Variants in DLC1 observed in about 807,000 individuals in gnomAD.
DLC1 encodes DLC1 Rho GTPase activating protein.
Under a neutral mutation model 140.3 loss-of-function variants are expected in DLC1, and 54 were observed. That is an observed-to-expected ratio of 0.38 (90% CI 0.31 to 0.48). DLC1 has a LOEUF of 0.48. Among genes scored for constraint, DLC1 ranks in the 20% least tolerant of loss-of-function variants. The pLI is 0.96. For synonymous variants in DLC1, 986 were observed against 728.1 expected, an observed-to-expected ratio of 1.35 and a Z score of -5.70; for missense variants, 2,536 against 1,907.0, an observed-to-expected ratio of 1.33 and a Z score of -6.14.
chr8:13,549,883 T>G (rs1435266701), intron 1 of DLC1, among the ~76,000 whole-genome samples: 3 of 152,136 alleles, frequency 2.0e-5, no homozygotes, highest in Non-Finnish European at 4.4e-5. Flanking sequence ...TCCACTGTTT[T>G]CAAAAGTGGC....
chr8:13,102,305 C>A (rs1387786230), intron 8 of DLC1, among the ~76,000 whole-genome samples: 2 of 152,178 alleles, frequency 1.3e-5, no homozygotes, highest in African/African-American at 2.4e-5. Flanking sequence ...GGATCTCCTG[C>A]CTTCTCCTCT....
At position 13,088,212 on chromosome 8, in the gene DLC1, TAG is replaced by T. The variant is rs879743565; in HGVS notation, c.4292+273_4292+274del. ...CTCCTGCCTCGGCCTCCCGAGTAGC[TAG>T]GACTACAGGCATGCACCACAACATC... On this transcript the variant is annotated intron_variant, in intron 16 of 17. Transcript: ENST00000276297. Among the ~76,000 whole-genome samples the T allele has an allele frequency of 4.7e-3, 714 of 152,338 alleles. 14 individuals are homozygous for T. The highest frequency in any genetic ancestry group is 0.045 in the East Asian group (235 of 5,180).
intron 5 of DLC1, among the ~76,000 whole-genome samples, chr8:13,132,510 G>A (rs796790683): frequency 3.4e-4 from 52 of 152,298 alleles, no homozygotes; most frequent in African/African-American, 1.2e-3. Context: ...CTTTGATTTT[G>A]GACTAAGCTG....
chr8:13,455,564 A>AAC (rs1799344372), intron 2 of DLC1, among the ~76,000 whole-genome samples: 1 of 152,142 alleles, frequency 6.6e-6, no homozygotes, highest in Non-Finnish European at 1.5e-5. Context: ...CCATCTGGAA[A>AAC]ACTGGCTCTC....
At chr8:13,338,786 C>G (rs1375582802) in intron 4 of DLC1, 3 of 152,194 alleles carry the variant, frequency 2.0e-5, no homozygotes, top group African/African-American at 7.2e-5. Flanking sequence ...GACATGGAAT[C>G]TTCAGCTTAC....
chr8:13,520,494 G>A (rs990211651), intron 1 of DLC1, among the ~76,000 whole-genome samples: 3 of 151,964 alleles, frequency 2.0e-5, no homozygotes, highest in African/African-American at 4.8e-5. Flanking sequence ...CTAGGGGAGG[G>A]ATAACATTAG....
chr8:13,431,573 T>C (rs1336494204), intron 2 of DLC1, among the ~76,000 whole-genome samples: 2 of 151,048 alleles, frequency 1.3e-5, no homozygotes, highest in Non-Finnish European at 2.9e-5. Context: ...CCTGTCTTTG[T>C]GATGACTTTG....
At chr8:13,338,663 A>G (rs1298191193) in intron 4 of DLC1, 1 of 152,116 alleles carries the variant, frequency 6.6e-6, no homozygotes, top group Non-Finnish European at 1.5e-5. Flanking sequence ...CCATGTCCCC[A>G]CACCTCATCT....
chr8:13,388,487 A>G (rs151227899), intron 4 of DLC1, among the ~76,000 whole-genome samples: 1 of 152,168 alleles, frequency 6.6e-6, no homozygotes, highest in South Asian at 2.1e-4. Context: ...AGTTTTATAC[A>G]TAATTAATAA....
chr8:13,262,437 T>G (rs1378857359), intron 5 of DLC1, among the ~76,000 whole-genome samples: 1 of 152,176 alleles, frequency 6.6e-6, no homozygotes, highest in Non-Finnish European at 1.5e-5. Flanking sequence ...GGACTTGACA[T>G]TCTAAAGCAA....
intron 4 of DLC1, among the ~76,000 whole-genome samples, chr8:13,358,791 C>G (rs1671429): frequency 0.47 from 72,117 of 151,890 alleles, 17,985 homozygotes; most frequent in East Asian, 0.81. Context: ...TGGCCATTTT[C>G]TTTACTTTCT....
chr8:13,211,341 C>A (rs73196146), intron 5 of DLC1, among the ~76,000 whole-genome samples: 3 of 151,914 alleles, frequency 2.0e-5, no homozygotes, highest in Non-Finnish European at 4.4e-5. Flanking sequence ...TATGGAGCAC[C>A]GTTTTGCTGT....
rs183266742 is a variant in DLC1, at chr8:13,084,806, G to A, written c.*1005C>T. 1 of 152,174 alleles carries A rather than the reference G, an allele frequency of 6.6e-6. No individual in the cohort carries two copies. The highest frequency in any genetic ancestry group is 2.4e-5 in the African/African-American group (1 of 41,438). The allele number at this position is 152,174 out of a possible 1,614,324, so 9.4% of individuals were successfully genotyped here. Reference sequence around the variant, plus strand: ...CAGGGATTTCCTTGGGACACACATAGTTTCCTATATTCCCAAACATAGTGT... The same window carrying A: ...CAGGGATTTCCTTGGGACACACATAATTTCCTATATTCCCAAACATAGTGT... On this transcript the variant is annotated 3_prime_UTR_variant, in exon 18 of 18. Coordinates refer to ENST00000276297, the MANE Select transcript of DLC1 (RefSeq NM_182643.3).
intron 5 of DLC1, among the ~76,000 whole-genome samples, chr8:13,126,161 G>A (rs1159288279): frequency 6.6e-6 from 1 of 152,096 alleles, no homozygotes; most frequent in African/African-American, 2.4e-5. Context: ...CTAGGCTTGT[G>A]CGGATCCAGT....
At chr8:13,397,886 A>C (rs1435061828) in intron 3 of DLC1, among the ~76,000 whole-genome samples, 1 of 152,090 alleles carries the variant, frequency 6.6e-6, no homozygotes, top group Non-Finnish European at 1.5e-5. Context: ...TAATCCCAGC[A>C]CTTCTGGAGG....
chr8:13,472,312 A>C (rs970817420), intron 2 of DLC1, among the ~76,000 whole-genome samples: 6 of 152,202 alleles, frequency 3.9e-5, no homozygotes, highest in African/African-American at 1.4e-4. Flanking sequence ...CATTAAATGA[A>C]GGGAGTGTTG....
chr8:13,505,109 G>T (rs887031933), intron 1 of DLC1, among the ~76,000 whole-genome samples: 2 of 151,978 alleles, frequency 1.3e-5, no homozygotes, highest in South Asian at 4.1e-4. Flanking sequence ...ATCAACCACA[G>T]GAAAAATAGT....
intron 5 of DLC1, among the ~76,000 whole-genome samples, chr8:13,136,621 G>C (rs913040771): frequency 6.6e-6 from 1 of 152,162 alleles, no homozygotes; most frequent in Non-Finnish European, 1.5e-5. Context: ...GAGGACAAGA[G>C]GATCCCAGGC....
intron 5 of DLC1, among the ~76,000 whole-genome samples, chr8:13,145,721 G>A (rs999114697): frequency 3.3e-5 from 5 of 152,252 alleles, no homozygotes; most frequent in South Asian, 2.1e-4. Flanking sequence ...ATGCAACAAC[G>A]TGGATAAATC....
Sources: allele counts gnomAD v4.1 joint callset (sites outside exome capture counted in the v4.1 genomes callset), GRCh38; gene constraint gnomAD v4.1.1; transcripts MANE v1.5; gene names NCBI Gene and HGNC (gene_info 2026-07-23, HGNC 2026-07-21).